The following ITK variants were observed in gnomAD, a reference collection of about 807,000 sequenced individuals.
ITK encodes IL2 inducible T cell kinase.
In ITK, 45 loss-of-function variants were observed where a neutral mutation model predicts 87.6. That is an observed-to-expected ratio of 0.51 (90% CI 0.40 to 0.66). The LOEUF (loss-of-function observed/expected upper bound fraction) is 0.66, where lower values mean the gene tolerates loss of function less well. Among genes scored for constraint, ITK ranks in the 30% least tolerant of loss-of-function variants. The pLI is 0.00. For synonymous variants in ITK, 303 were observed against 273.6 expected (o/e 1.11, Z -1.06); for missense variants, 605 against 766.3 (o/e 0.79, Z 2.48).
rs573308643 is a variant in ITK, at chr5:157,214,723, A to C, written c.454+404A>C. Among the ~76,000 whole-genome samples, 5 of 152,346 alleles carry C rather than the reference A, an allele frequency of 3.3e-5. No individual in the cohort carries two copies. In the South Asian group the frequency reaches 1.0e-3, roughly 32 times the overall value. On this transcript the variant is annotated intron_variant, in intron 4 of 16. Coordinates refer to ENST00000422843, the MANE Select transcript of ITK (RefSeq NM_005546.4). ...TGGTCTATTTAAATCTTAATTAAAGAGGCAGCCTTAAGAGATATAAAATAT... is the reference window on the plus strand; with the variant it reads ...TGGTCTATTTAAATCTTAATTAAAGCGGCAGCCTTAAGAGATATAAAATAT...
At chr5:157,233,957 ATATATATTTTTTTTTTTTTT>A (rs1754719869) in intron 8 of ITK, among the ~76,000 whole-genome samples, 1 of 26,314 alleles carries the variant, frequency 3.8e-5, no homozygotes, top group Non-Finnish European at 7.0e-5. Context: ...ATATATATAT[ATATATATTTTTTTTTTTTTT>A]TTTTTTTTTT....
chr5:157,200,199 C>G (rs905867111), intron 1 of ITK, among the ~76,000 whole-genome samples: 1 of 152,154 alleles, frequency 6.6e-6, no homozygotes, highest in African/African-American at 2.4e-5. Flanking sequence ...TTGTAAGCAT[C>G]AGCATCTTGA....
At chr5:157,209,389 G>T (rs985357808) in intron 2 of ITK, among the ~76,000 whole-genome samples, 5 of 151,304 alleles carry the variant, frequency 3.3e-5, no homozygotes, top group Middle Eastern at 3.2e-3. Flanking sequence ...ATGACTCTCT[G>T]CCTCTCTGCT....
chr5:157,249,948 G>A lies in ITK; in HGVS notation c.1791+941G>A, dbSNP rs1232444950. ...ATTTATTGATTTTTTTAAATTAATA[G>A]TCTTTATTTTTTAACAAAGAGTACA... On this transcript the variant is annotated intron_variant, in intron 16 of 16. Transcript: ENST00000422843. Among the ~76,000 whole-genome samples, 3 of 152,006 alleles carry A rather than the reference G, an allele frequency of 2.0e-5. No individual in the cohort carries two copies. In the East Asian group the frequency reaches 5.8e-4, roughly 29 times the overall value.
chr5:157,189,506 C>A (rs912302447), intron 1 of ITK, among the ~76,000 whole-genome samples: 2 of 152,140 alleles, frequency 1.3e-5, no homozygotes, highest in African/African-American at 4.8e-5. Flanking sequence ...ATGGCGAAAC[C>A]CTATCTCTAC....
chr5:157,201,736 CAAA>C (rs34192469), intron 1 of ITK, among the ~76,000 whole-genome samples: 15,401 of 114,414 alleles, frequency 0.13, 776 homozygotes, highest in Middle Eastern at 0.23. Context: ...TAATTTTCCA[CAAA>C]AAAAAAAAAA....
chr5:157,189,170 C>G (rs1222177316), intron 1 of ITK, among the ~76,000 whole-genome samples: 1 of 152,164 alleles, frequency 6.6e-6, no homozygotes, highest in Non-Finnish European at 1.5e-5. Context: ...GGAGTGTCAT[C>G]ATGAATTGAT....
chr5:157,252,623 C>T lies in ITK; in HGVS notation c.1808C>T (p.Pro603Leu), dbSNP rs1755163876. 1.2e-6 allele frequency: 2 copies of T among 1,614,008 alleles called. No individual in the cohort carries two copies. The highest frequency in any genetic ancestry group is 1.3e-5 in the African/African-American group (1 of 75,062). The change falls in exon 17 of 17, where the codon CCA becomes CTA. Residue 603 changes from proline to leucine, a missense_variant. Transcript: ENST00000422843. Reference sequence around the variant, plus strand: ...CCTCTCCAGAGACCAGAAGATCGGCCAGCCTTCTCCAGACTGCTGCGTCAA... The same window carrying T: ...CCTCTCCAGAGACCAGAAGATCGGCTAGCCTTCTCCAGACTGCTGCGTCAA... Reference protein sequence around the residue: ...HCWKERPEDRPAFSRLLRQLA... With the variant: ...HCWKERPEDRLAFSRLLRQLA...
chr5:157,198,569 A>G (rs1250918943), intron 1 of ITK, among the ~76,000 whole-genome samples: 2 of 152,160 alleles, frequency 1.3e-5, no homozygotes, highest in African/African-American at 4.8e-5. Context: ...TCCTGGCTTT[A>G]AGGTGGTCCA....
At chr5:157,205,270 C>T (rs969158246) in intron 1 of ITK, among the ~76,000 whole-genome samples, 11 of 152,160 alleles carry the variant, frequency 7.2e-5, no homozygotes, top group Non-Finnish European at 1.0e-4. Flanking sequence ...AGTCACAGAG[C>T]TCTTATAGTA....
rs374028444 is a variant in ITK, at chr5:157,247,101, G to T, written c.1633+1102G>T. 5.9e-5 allele frequency among the ~76,000 whole-genome samples: 9 copies of T among 152,304 alleles called. No individual in the cohort carries two copies. In the East Asian group the frequency reaches 1.7e-3, roughly 29 times the overall value. ...ATTTTTGCCATTCGGTATGAAGGAAGGGTTTGACAAGGGCTTACTAGTAGT... is the reference window on the plus strand; with the variant it reads ...ATTTTTGCCATTCGGTATGAAGGAATGGTTTGACAAGGGCTTACTAGTAGT... On this transcript the variant is annotated intron_variant, in intron 15 of 16. Transcript: ENST00000422843.
chr5:157,202,575 T>C (rs1361998184), intron 1 of ITK, among the ~76,000 whole-genome samples: 4 of 152,192 alleles, frequency 2.6e-5, no homozygotes, highest in Non-Finnish European at 4.4e-5. Context: ...ATCTTTGCTA[T>C]TGTGATTAGT....
intron 1 of ITK, among the ~76,000 whole-genome samples, chr5:157,188,928 G>A (rs948884115): frequency 6.6e-6 from 1 of 152,152 alleles, no homozygotes; most frequent in African/African-American, 2.4e-5. Flanking sequence ...GATCTTGACT[G>A]TCTTCTTCAT....
intron 16 of ITK, 53 bp from the exon 17 acceptor site, chr5:157,252,554 A>G (rs1028196482): frequency 2.2e-6 from 3 of 1,351,782 alleles, no homozygotes; most frequent in Non-Finnish European, 3.2e-6. Flanking sequence ...TTTTGGATTT[A>G]CCTATGACGC....
At chr5:157,233,953 ATATATATATATTTTTTTTTTTTT>A (rs1297997116) in intron 8 of ITK, among the ~76,000 whole-genome samples, 3 of 22,328 alleles carry the variant, frequency 1.3e-4, no homozygotes, top group African/African-American at 4.8e-4. Flanking sequence ...ATATATATAT[ATATATATATATTTTTTTTTTTTT>A]TTTTTTTTTT....
At chr5:157,183,707 T>A (rs527518601) in intron 1 of ITK, among the ~76,000 whole-genome samples, 2 of 152,208 alleles carry the variant, frequency 1.3e-5, no homozygotes, top group East Asian at 1.9e-4. Flanking sequence ...GGGGTAGATA[T>A]ACATGCATTA....
intron 6 of ITK, among the ~76,000 whole-genome samples, chr5:157,226,305 T>C (rs757148540): frequency 2.0e-5 from 3 of 152,218 alleles, no homozygotes; most frequent in Non-Finnish European, 4.4e-5. Context: ...ATTCTACATA[T>C]CCACATACAA....
At chr5:157,244,943 C>T in intron 13 of ITK, 1 of 221,184 alleles carries the variant, frequency 4.5e-6, no homozygotes, top group Non-Finnish European at 9.2e-6. Context: ...TTGAGATATG[C>T]AGCTGGGTGC....
intron 1 of ITK, among the ~76,000 whole-genome samples, chr5:157,187,134 A>C (rs1400531983): frequency 6.6e-6 from 1 of 152,202 alleles, no homozygotes; most frequent in Non-Finnish European, 1.5e-5. Context: ...ATGTCCCTAG[A>C]CTAAGTCATG....
Sources: gnomAD v4.1 joint callset for allele counts (sites outside exome capture counted in the v4.1 genomes callset) on GRCh38, gnomAD v4.1.1 for gene constraint, MANE v1.5 for transcripts, NCBI Gene and HGNC (gene_info 2026-07-23, HGNC 2026-07-21) for gene names.